The following HS6ST2 variants were observed in gnomAD, a reference collection of about 807,000 sequenced individuals.
HS6ST2 encodes the protein heparan sulfate 6-O-sulfotransferase 2.
A neutral mutation model predicts 33.0 loss-of-function variants in HS6ST2; 17 were observed. The observed-to-expected ratio is 0.52, with a 90% confidence interval of 0.35 to 0.77. The LOEUF is 0.77. HS6ST2 is among the 30% of genes least tolerant of loss of function. The probability of loss-of-function intolerance (pLI) is 0.01; values close to 1 mark genes in which losing one functional copy is unlikely to be tolerated. For missense variants in HS6ST2, 519 were observed against 551.7 expected (o/e 0.94, Z 0.59); for synonymous variants, 248 against 237.1 (o/e 1.05, Z -0.42).
intron 2 of HS6ST2, among the ~76,000 whole-genome samples, chrX:132,906,914 C>G (rs180790553): frequency 1.2e-3 from 130 of 111,705 alleles, no homozygotes; most frequent in Non-Finnish European, 2.3e-3. Flanking sequence ...ATCTGCCCAC[C>G]TCGGCCTCCC....
intron 2 of HS6ST2, among the ~76,000 whole-genome samples, chrX:132,851,847 A>G (rs973265567): frequency 8.9e-6 from 1 of 111,935 alleles, no homozygotes; most frequent in Non-Finnish European, 1.9e-5. Flanking sequence ...GATCTTTTTC[A>G]AAAGGTTGTG....
chrX:132,862,255 C>A (rs1025326667), intron 2 of HS6ST2, among the ~76,000 whole-genome samples: 1 of 111,704 alleles, frequency 9.0e-6, no homozygotes, highest in Admixed American at 9.6e-5. Context: ...ATTTTGGGAC[C>A]AGGGTAGTGC....
intron 3 of HS6ST2, among the ~76,000 whole-genome samples, chrX:132,681,380 C>T (rs6638021): frequency 0.014 from 1,560 of 111,866 alleles, 30 homozygotes; most frequent in African/African-American, 0.049. Flanking sequence ...AAAAATCCAC[C>T]TTTGATTATT....
intron 2 of HS6ST2, among the ~76,000 whole-genome samples, chrX:132,931,161 T>C (rs1349304951): frequency 3.6e-5 from 4 of 111,609 alleles, no homozygotes; most frequent in African/African-American, 1.3e-4. Flanking sequence ...GGAGAGTCTG[T>C]AGCACTTGAG....
At chrX:132,830,427 C>T (rs1005989261) in intron 2 of HS6ST2, among the ~76,000 whole-genome samples, 3 of 111,529 alleles carry the variant, frequency 2.7e-5, no homozygotes, top group African/African-American at 6.5e-5. Flanking sequence ...CCTGTCATCT[C>T]GTAAGAAATT....
intron 2 of HS6ST2, among the ~76,000 whole-genome samples, chrX:132,915,709 T>A (rs2066579813): frequency 9.0e-6 from 1 of 110,629 alleles, no homozygotes; most frequent in Non-Finnish European, 1.9e-5. Context: ...TATAGTAACA[T>A]AAAATGTTCT....
upstream of HS6ST2, chrX:132,958,920 C>A (rs1436866167): frequency 3.7e-6 from 1 of 269,446 alleles, no homozygotes; most frequent in Non-Finnish European, 6.5e-6. Flanking sequence ...AAAAGCATTA[C>A]AGAATGAGAA....
intron 2 of HS6ST2, among the ~76,000 whole-genome samples, chrX:132,801,726 T>A (rs1342831877): frequency 8.9e-6 from 1 of 112,166 alleles, no homozygotes. Context: ...CACTGTTAAG[T>A]TCATAGCATA....
At position 132,929,376 on chromosome X, in the gene HS6ST2, C is replaced by T. The variant is rs1316918358; in HGVS notation, c.947+27432G>A. Among the ~76,000 whole-genome samples the T allele has an allele frequency of 4.5e-5, 5 of 110,561 alleles. No homozygotes were observed. The Admixed American group carries it at 4.9e-4, about 11-fold the overall frequency. ...GCCATGGTGTGAGCCTACCGTCCTA[C>T]CTACTTGGGAGGCTGAGGTGGAAGG... On this transcript the variant is annotated intron_variant, in intron 2 of 4. Transcript: ENST00000370833.
At chrX:132,920,794 C>T (rs980173951) in intron 2 of HS6ST2, among the ~76,000 whole-genome samples, 1 of 112,539 alleles carries the variant, frequency 8.9e-6, no homozygotes, top group Non-Finnish European at 1.9e-5. Flanking sequence ...TAACTGTAGG[C>T]AGCTCCATCT....
intron 3 of HS6ST2, among the ~76,000 whole-genome samples, chrX:132,705,513 G>A (rs1256597983): frequency 9.0e-6 from 1 of 111,476 alleles, no homozygotes; most frequent in Non-Finnish European, 1.9e-5. Context: ...ATATACTATT[G>A]AGTGAGGCTG....
chrX:132,786,011 T>G (rs1354486571), intron 2 of HS6ST2, among the ~76,000 whole-genome samples: 1 of 111,441 alleles, frequency 9.0e-6, no homozygotes, highest in African/African-American at 3.3e-5. Flanking sequence ...TGTGACCCCA[T>G]AGGCAAGTCA....
intron 2 of HS6ST2, among the ~76,000 whole-genome samples, chrX:132,889,262 C>T (rs2066282550): frequency 9.0e-6 from 1 of 111,265 alleles, no homozygotes; most frequent in Admixed American, 9.7e-5. Context: ...CTTTTTCCAC[C>T]AACACTTGGT....
At chrX:132,915,458 T>C (rs936408577) in intron 2 of HS6ST2, among the ~76,000 whole-genome samples, 2 of 112,137 alleles carry the variant, frequency 1.8e-5, no homozygotes, top group African/African-American at 6.5e-5. Context: ...TGTAACAACA[T>C]TGAATGAGTA....
At chrX:132,939,176 C>A (rs2066859875) in intron 2 of HS6ST2, among the ~76,000 whole-genome samples, 1 of 111,840 alleles carries the variant, frequency 8.9e-6, no homozygotes, top group African/African-American at 3.3e-5. Context: ...CCAGGCCCCA[C>A]CTCCAACATT....
At chrX:132,847,028 T>C (rs73636103) in intron 2 of HS6ST2, among the ~76,000 whole-genome samples, 14,072 of 110,883 alleles carry the variant, frequency 0.13, 844 homozygotes, top group East Asian at 0.33. Flanking sequence ...GAGGGGTTCA[T>C]GCATGAAGCT....
intron 2 of HS6ST2, among the ~76,000 whole-genome samples, chrX:132,939,656 A>G (rs1396128680): frequency 8.9e-6 from 1 of 111,905 alleles, no homozygotes; most frequent in Non-Finnish European, 1.9e-5. Flanking sequence ...CTTTTTATAT[A>G]GTAGCAATGA....
At chrX:132,632,619 A>G (rs2063526001) in intron 4 of HS6ST2, among the ~76,000 whole-genome samples, 1 of 110,077 alleles carries the variant, frequency 9.1e-6, no homozygotes, top group Non-Finnish European at 1.9e-5. Flanking sequence ...GGGGATACAG[A>G]CAGGGATAAG....
At chrX:132,804,760 C>G (rs1357292162) in intron 2 of HS6ST2, among the ~76,000 whole-genome samples, 1 of 111,588 alleles carries the variant, frequency 9.0e-6, no homozygotes, top group East Asian at 2.8e-4. Context: ...GATCAAACCA[C>G]TACACTCCAG....
Sources: allele counts gnomAD v4.1 joint callset (sites outside exome capture counted in the v4.1 genomes callset), GRCh38; gene constraint gnomAD v4.1.1; transcripts MANE v1.5; gene names NCBI Gene and HGNC (gene_info 2026-07-23, HGNC 2026-07-21).